Variants in ITFG1 observed in about 807,000 individuals in gnomAD.
ITFG1 encodes the protein T-cell immunomodulatory protein.
In ITFG1, 34 loss-of-function variants were observed where a neutral mutation model predicts 81.8. That is an observed-to-expected ratio of 0.42 (90% CI 0.32 to 0.55). The LOEUF (loss-of-function observed/expected upper bound fraction) is 0.55, where lower values mean the gene tolerates loss of function less well. Among genes scored for constraint, ITFG1 ranks in the 20% least tolerant of loss-of-function variants. The pLI, the probability that ITFG1 is intolerant of heterozygous loss-of-function variation, is 0.17. For missense variants in ITFG1, 672 were observed against 755.4 expected (o/e 0.89, Z 1.29); for synonymous variants, 285 against 270.6 (o/e 1.05, Z -0.52).
intron 6 of ITFG1, among the ~76,000 whole-genome samples, chr16:47,427,316 C>T (rs1969035627): frequency 6.6e-6 from 1 of 152,084 alleles, no homozygotes; most frequent in African/African-American, 2.4e-5. Context: ...TACAGCAACA[C>T]CTAGGAAATA....
At chr16:47,368,365 A>C (rs1219133285) in intron 7 of ITFG1, among the ~76,000 whole-genome samples, 1 of 151,810 alleles carries the variant, frequency 6.6e-6, no homozygotes, top group Non-Finnish European at 1.5e-5. Context: ...CAGCCTGGCC[A>C]ACATGATGAA....
At chr16:47,379,785 A>G (rs773800490) in intron 6 of ITFG1, among the ~76,000 whole-genome samples, 20 of 152,056 alleles carry the variant, frequency 1.3e-4, no homozygotes, top group Non-Finnish European at 2.9e-4. Flanking sequence ...GCAGCCCCCA[A>G]ATAAAACACC....
At chr16:47,456,888 T>C (rs1567506732) in intron 2 of ITFG1, among the ~76,000 whole-genome samples, 1 of 152,074 alleles carries the variant, frequency 6.6e-6, no homozygotes, top group Non-Finnish European at 1.5e-5. Context: ...TGGATAGGAA[T>C]GTAGAGGATC....
At chr16:47,435,732 A>G (rs1366800794) in intron 5 of ITFG1, among the ~76,000 whole-genome samples, 1 of 152,194 alleles carries the variant, frequency 6.6e-6, no homozygotes, top group African/African-American at 2.4e-5. Flanking sequence ...CAGGCTGCCT[A>G]GTTCTTTAGT....
chr16:47,413,657 C>T (rs887768227), intron 6 of ITFG1, among the ~76,000 whole-genome samples: 1 of 152,084 alleles, frequency 6.6e-6, no homozygotes, highest in Non-Finnish European at 1.5e-5. Flanking sequence ...GTTGGCGCCA[C>T]TGCACTCTAG....
intron 14 of ITFG1, among the ~76,000 whole-genome samples, chr16:47,213,975 A>G (rs1965595948): frequency 6.6e-6 from 1 of 152,240 alleles, no homozygotes; most frequent in East Asian, 1.9e-4. Context: ...TAGACTCTCC[A>G]TCAGAAATAC....
chr16:47,229,924 GATAA>G (rs1440061727), intron 13 of ITFG1, among the ~76,000 whole-genome samples: 8 of 152,206 alleles, frequency 5.3e-5, no homozygotes, highest in Non-Finnish European at 1.0e-4. Flanking sequence ...TATTTTGAGA[GATAA>G]ATATTCACAT....
chr16:47,171,029 C>CTTTTT (rs61494352), intron 14 of ITFG1, among the ~76,000 whole-genome samples: 1 of 97,738 alleles, frequency 1.0e-5, no homozygotes, highest in African/African-American at 3.6e-5. Flanking sequence ...GCCACTGTGC[C>CTTTTT]TTTTTTTTTT....
At chr16:47,161,667 TGA>T in intron 16 of ITFG1, 81 bp downstream of exon 16, 1 of 872,380 alleles carries the variant, frequency 1.1e-6, no homozygotes, top group Non-Finnish European at 1.9e-6. Flanking sequence ...AGCAGGAATA[TGA>T]GAGAGCTTAA....
chr16:47,265,763 G>T (rs1318369556), intron 10 of ITFG1, among the ~76,000 whole-genome samples: 1 of 152,130 alleles, frequency 6.6e-6, no homozygotes. Context: ...TATCAATACT[G>T]ACATGAAATA....
At chr16:47,418,347 G>A (rs1228022893) in intron 6 of ITFG1, among the ~76,000 whole-genome samples, 1 of 152,040 alleles carries the variant, frequency 6.6e-6, no homozygotes, top group East Asian at 1.9e-4. Flanking sequence ...TCCGCTGACT[G>A]TTTCCTTTGA....
chr16:47,339,634 C>G (rs1249243078), intron 8 of ITFG1, among the ~76,000 whole-genome samples: 1 of 151,938 alleles, frequency 6.6e-6, no homozygotes, highest in East Asian at 1.9e-4. Flanking sequence ...GCACAAGAAA[C>G]AGTGAACTTG....
At chr16:47,239,200 G>GTT (rs879368480) in intron 12 of ITFG1, among the ~76,000 whole-genome samples, 2 of 145,086 alleles carry the variant, frequency 1.4e-5, no homozygotes, top group African/African-American at 2.5e-5. Flanking sequence ...TTACCCTAAG[G>GTT]TTTTTTTTTT....
intron 14 of ITFG1, among the ~76,000 whole-genome samples, chr16:47,206,293 C>T (rs1256512401): frequency 6.6e-6 from 1 of 152,220 alleles, no homozygotes; most frequent in Non-Finnish European, 1.5e-5. Context: ...TGCTCCTCAC[C>T]AGTCATCTTT....
intron 13 of ITFG1, among the ~76,000 whole-genome samples, chr16:47,232,000 C>T (rs946052139): frequency 4.9e-4 from 74 of 152,150 alleles, no homozygotes; most frequent in African/African-American, 1.7e-3. Flanking sequence ...GAAGATGCAA[C>T]ACTACTGGCT....
intron 8 of ITFG1, among the ~76,000 whole-genome samples, chr16:47,363,174 C>T (rs1343982656): frequency 6.6e-6 from 1 of 152,006 alleles, no homozygotes; most frequent in East Asian, 1.9e-4. Context: ...GTTGGCATTA[C>T]AGGTGTGAAC....
chr16:47,287,683 G>A (rs1462600398), intron 10 of ITFG1, among the ~76,000 whole-genome samples: 3 of 152,192 alleles, frequency 2.0e-5, no homozygotes, highest in African/African-American at 4.8e-5. Context: ...GACTACAGGT[G>A]TGTGCCACCA....
chr16:47,232,341 G>T (rs1378147060), intron 13 of ITFG1, among the ~76,000 whole-genome samples: 1 of 152,174 alleles, frequency 6.6e-6, no homozygotes, highest in African/African-American at 2.4e-5. Flanking sequence ...GAAGAGATTT[G>T]CATTTTATGG....
chr16:47,441,078 G>C (rs1337418213), intron 5 of ITFG1, among the ~76,000 whole-genome samples: 1 of 152,128 alleles, frequency 6.6e-6, no homozygotes, highest in Non-Finnish European at 1.5e-5. Flanking sequence ...AGAAAATCTA[G>C]AAGAAATGGA....
Sources: gnomAD v4.1 joint callset for allele counts (sites outside exome capture counted in the v4.1 genomes callset) on GRCh38, gnomAD v4.1.1 for gene constraint, MANE v1.5 for transcripts, NCBI Gene and HGNC (gene_info 2026-07-23, HGNC 2026-07-21) for gene names.